The following ACACB variants were observed in gnomAD, a reference collection of about 807,000 sequenced individuals.
ACACB encodes acetyl-CoA carboxylase beta.
In ACACB, 209 loss-of-function variants were observed where a neutral mutation model predicts 278.8. The observed-to-expected ratio is 0.75, with a 90% CI of 0.67 to 0.84. The LOEUF (loss-of-function observed/expected upper bound fraction) is 0.84. Among genes scored for constraint, ACACB ranks in the 40% least tolerant of loss-of-function variants. ACACB has a pLI of 0.00. For synonymous variants in ACACB, 1,174 were observed against 1,285.6 expected (o/e 0.91, Z 1.86); for missense variants, 2,850 against 3,269.0 (o/e 0.87, Z 3.13).
At chr12:109,183,130 A>G (rs1280062390) in intron 11 of ACACB, among the ~76,000 whole-genome samples, 1 of 152,094 alleles carries the variant, frequency 6.6e-6, no homozygotes, top group East Asian at 1.9e-4. Flanking sequence ...ATTCTGTCCC[A>G]TTGATCTATG....
chr12:109,196,351 A>G (rs1436069366), intron 16 of ACACB, among the ~76,000 whole-genome samples: 1 of 152,120 alleles, frequency 6.6e-6, no homozygotes, highest in Non-Finnish European at 1.5e-5. Flanking sequence ...CACACACTGA[A>G]TTTCTCACAA....
Position 109,150,155 on chromosome 12 carries a change from A to G in ACACB, c.653+10097A>G, listed in dbSNP as rs576416771. On this transcript the variant is annotated intron_variant, in intron 2 of 52. Transcript: ENST00000338432. ...GCATAAGAGCCCAGGACCCACAATC[A>G]GGTCTGGATTCAGACCTCTCCTGTT... 3.9e-5 allele frequency among the ~76,000 whole-genome samples: 6 copies of G among 152,342 alleles called. No individual in the cohort carries two copies. The East Asian group carries it at 9.6e-4, about 24-fold the overall frequency.
chr12:109,163,033 C>T (rs1348109247), intron 2 of ACACB, among the ~76,000 whole-genome samples: 1 of 152,204 alleles, frequency 6.6e-6, no homozygotes, highest in Non-Finnish European at 1.5e-5. Flanking sequence ...AAGCGATTCT[C>T]CTGCCTCAGC....
chr12:109,223,217 G>A (rs1023406945), intron 26 of ACACB, among the ~76,000 whole-genome samples: 1 of 152,184 alleles, frequency 6.6e-6, no homozygotes, highest in African/African-American at 2.4e-5. Flanking sequence ...GAGCCCTCCT[G>A]TGGCTGAGTC....
intron 1 of ACACB, among the ~76,000 whole-genome samples, chr12:109,135,026 T>C (rs1215061819): frequency 6.6e-6 from 1 of 152,212 alleles, no homozygotes; most frequent in African/African-American, 2.4e-5. Flanking sequence ...TTTTGGGATA[T>C]ACCTAGGAGT....
chr12:109,122,572 CAAAAAAAAAAAAA>C (rs59516728), intron 1 of ACACB, among the ~76,000 whole-genome samples: 2 of 61,836 alleles, frequency 3.2e-5, no homozygotes, highest in Admixed American at 2.2e-4. Context: ...GACATTGTCT[CAAAAAAAAAAAAA>C]AAAAAAAAAA....
chr12:109,261,638 AG>A (rs2047379282), intron 48 of ACACB, among the ~76,000 whole-genome samples: 3 of 152,118 alleles, frequency 2.0e-5, no homozygotes, highest in Admixed American at 1.3e-4. Flanking sequence ...TGGGAGGCTA[AG>A]GGGGGCAGAT....
In ACACB at chr12:109,194,512, A is replaced by ATGTGTGTGTGTGTGTG. The variant is rs370227666; in HGVS notation, c.2481+805_2481+820dup. 2.2e-3 allele frequency among the ~76,000 whole-genome samples: 199 copies of ATGTGTGTGTGTGTGTG among 88,768 alleles called. 3 individuals are homozygous for ATGTGTGTGTGTGTGTG. Among genetic ancestry groups the ATGTGTGTGTGTGTGTG allele is most frequent in the African/African-American group, 7.8e-3 (181 of 23,348 alleles). The allele number at this position is 88,768 out of a possible 152,430, so 58.2% of individuals were successfully genotyped here. On this transcript the variant is annotated intron_variant, in intron 16 of 52. Transcript: ENST00000338432. ...CCCCAACCTCTGCCTCTGTGTGTGC[A>ATGTGTGTGTGTGTGTG]TGTGTGTGTGTGTGTGTGTGTGTGT...
Position 109,242,489 on chromosome 12 carries a change from T to C in ACACB, c.5075T>C (p.Ile1692Thr), listed in dbSNP as rs199831967. ...NKQGPQHGML[I>T]NTPYVTKDLL... ...CAAGGGCCCCAGCACGGGATGCTGA[T>C]CAATACTCCCTACGTCACCAAGGAT... Residue 1692 changes from isoleucine to threonine, a missense_variant, in exon 37 of 53, where the codon ATC becomes ACC. Transcript: ENST00000338432. 7.4e-6 allele frequency: 12 copies of C among 1,614,144 alleles called. No individual in the cohort carries two copies. In the Admixed American group the frequency reaches 1.2e-4, roughly 16 times the overall value.
At chr12:109,231,579 A>G (rs2046472824) in intron 28 of ACACB, among the ~76,000 whole-genome samples, 1 of 152,060 alleles carries the variant, frequency 6.6e-6, no homozygotes, top group Non-Finnish European at 1.5e-5. Flanking sequence ...AGGGTCCCCA[A>G]AAGCACCCCC....
chr12:109,267,714 G>A lies in ACACB; in HGVS notation c.*1352G>A, dbSNP rs1373945566. 6.6e-6 allele frequency: 1 copy of A among 152,502 alleles called. No homozygotes were observed. Among genetic ancestry groups the A allele is most frequent in the Non-Finnish European group, 1.5e-5 (1 of 68,262 alleles). The allele number at this position is 152,502 out of a possible 1,614,324, so 9.4% of individuals were successfully genotyped here. A position where few individuals can be genotyped will look rare whatever the true frequency, so the allele number is the denominator to read the frequency against. ...CCATGCCGATTTGCTCAGGGAGAACGTTGCAATGCACCCAGCAGCTCCTGG... is the reference window on the plus strand; with the variant it reads ...CCATGCCGATTTGCTCAGGGAGAACATTGCAATGCACCCAGCAGCTCCTGG... On this transcript the variant is annotated 3_prime_UTR_variant, in exon 53 of 53. Coordinates refer to ENST00000338432, the MANE Select transcript of ACACB (RefSeq NM_001093.4).
chr12:109,241,250 A>G lies in ACACB; in HGVS notation c.4991A>G (p.Tyr1664Cys), dbSNP rs981830602. The change falls in exon 36 of 53, where the codon TAC becomes TGC. Residue 1664 changes from tyrosine to cysteine, a missense_variant. Physicochemically the swap from Tyr to Cys is radical, Grantham distance 194 (BLOSUM62 -2). Coordinates refer to ENST00000338432, the MANE Select transcript of ACACB (RefSeq NM_001093.4). ...GGCTACTACCTGGACATCAGCCTCT[A>G]CAAAGAAGTGACTGACTCCAGATCT... The part of the protein sequence containing the change: ...ESGYYLDISL[Y>C]KEVTDSRSGN... 3 of 1,614,182 alleles carry G rather than the reference A, an allele frequency of 1.9e-6. No individual in the cohort carries two copies. Among genetic ancestry groups the G allele is most frequent in the Non-Finnish European group, 1.7e-6 (2 of 1,180,018 alleles).
intron 2 of ACACB, among the ~76,000 whole-genome samples, chr12:109,152,640 CTTTTT>C (rs34863094): frequency 2.7e-5 from 2 of 74,870 alleles, no homozygotes; most frequent in Middle Eastern, 0.015. Context: ...TTCTTTCTTT[CTTTTT>C]TTTTTTTTTT....
intron 2 of ACACB, among the ~76,000 whole-genome samples, chr12:109,147,493 C>T (rs1329599963): frequency 1.3e-5 from 2 of 151,496 alleles, no homozygotes; most frequent in African/African-American, 4.9e-5. Flanking sequence ...AATCCACCCA[C>T]CTCGGCCTCC....
chr12:109,239,291 C>G (rs2046726418), intron 34 of ACACB, among the ~76,000 whole-genome samples: 1 of 152,170 alleles, frequency 6.6e-6, no homozygotes, highest in African/African-American at 2.4e-5. Flanking sequence ...ATCAAAAAGA[C>G]AGTTTATTAC....
At chr12:109,131,611 T>C (rs2042829512) in intron 1 of ACACB, among the ~76,000 whole-genome samples, 1 of 152,194 alleles carries the variant, frequency 6.6e-6, no homozygotes, top group Admixed American at 6.5e-5. Flanking sequence ...GTCCTTGCCC[T>C]GCCCTTGCCT....
intron 1 of ACACB, among the ~76,000 whole-genome samples, chr12:109,135,422 C>T (rs922071644): frequency 3.9e-5 from 6 of 152,080 alleles, no homozygotes; most frequent in African/African-American, 1.4e-4. Flanking sequence ...GGGCACTAGA[C>T]TCTTATTAGA....
At chr12:109,222,757 G>C in intron 25 of ACACB, 42 bp from the exon 26 acceptor site, 2 of 1,580,066 alleles carry the variant, frequency 1.3e-6, no homozygotes, top group Non-Finnish European at 1.7e-6. Context: ...TTCTGCCCTG[G>C]GAGGTTGGCT....
At chr12:109,204,641 C>G (rs1214858671) in intron 19 of ACACB, among the ~76,000 whole-genome samples, 1 of 151,988 alleles carries the variant, frequency 6.6e-6, no homozygotes, top group Non-Finnish European at 1.5e-5. Flanking sequence ...CCCACTCCCA[C>G]CAGCCCCACT....
Sources: gnomAD v4.1 joint callset for allele counts (sites outside exome capture counted in the v4.1 genomes callset) on GRCh38, gnomAD v4.1.1 for gene constraint, MANE v1.5 for transcripts, NCBI Gene and HGNC (gene_info 2026-07-23, HGNC 2026-07-21) for gene names.